The following MIPOL1 variants were observed in gnomAD, a reference collection of about 807,000 sequenced individuals.
MIPOL1 encodes the protein mirror-image polydactyly gene 1 protein.
A neutral mutation model predicts 60.9 loss-of-function variants in MIPOL1; 57 were observed. The ratio of observed to expected loss-of-function variants is 0.94; its 90% CI spans 0.76 to 1.17. The LOEUF (loss-of-function observed/expected upper bound fraction) is 1.17. MIPOL1 is among the 50% of genes most tolerant of loss of function. MIPOL1 has a pLI of 0.00. For synonymous variants in MIPOL1, 179 were observed against 168.8 expected (o/e 1.06, Z -0.47); for missense variants, 551 against 511.6 (o/e 1.08, Z -0.74).
intron 11 of MIPOL1, among the ~76,000 whole-genome samples, chr14:37,460,881 A>G (rs919257437): frequency 6.6e-6 from 1 of 152,236 alleles, no homozygotes; most frequent in Non-Finnish European, 1.5e-5. Context: ...AAAACATGCC[A>G]TGTTCATGGA....
At chr14:37,329,254 C>A (rs756849489) in intron 9 of MIPOL1, among the ~76,000 whole-genome samples, 1 of 151,850 alleles carries the variant, frequency 6.6e-6, no homozygotes, top group South Asian at 2.1e-4. Flanking sequence ...AAAAAGAATG[C>A]GGGTAAATGA....
chr14:37,221,649 T>C (rs1012818916), intron 1 of MIPOL1, among the ~76,000 whole-genome samples: 1 of 152,112 alleles, frequency 6.6e-6, no homozygotes, highest in African/African-American at 2.4e-5. Context: ...GGTGAAGTGC[T>C]ATACACTTTA....
intron 11 of MIPOL1, among the ~76,000 whole-genome samples, chr14:37,494,846 T>C (rs576911925): frequency 2.0e-5 from 3 of 152,312 alleles, no homozygotes; most frequent in African/African-American, 4.8e-5. Flanking sequence ...AAAAAGATCA[T>C]GTCCATTGCT....
At chr14:37,438,287 C>T (rs1307151421) in intron 11 of MIPOL1, among the ~76,000 whole-genome samples, 1 of 152,138 alleles carries the variant, frequency 6.6e-6, no homozygotes, top group Non-Finnish European at 1.5e-5. Flanking sequence ...AAACTGTTAC[C>T]CTAGAAAATA....
chr14:37,383,612 A>C (rs2092986652), intron 10 of MIPOL1, among the ~76,000 whole-genome samples: 1 of 151,778 alleles, frequency 6.6e-6, no homozygotes, highest in African/African-American at 2.4e-5. Context: ...TTAGTCATTT[A>C]CTGGTTTTTA....
chr14:37,334,332 C>G (rs2089952742), intron 9 of MIPOL1, among the ~76,000 whole-genome samples: 1 of 151,880 alleles, frequency 6.6e-6, no homozygotes, highest in East Asian at 1.9e-4. Context: ...CTCGACTGTT[C>G]AGACAATCTT....
intron 12 of MIPOL1, among the ~76,000 whole-genome samples, chr14:37,524,638 G>A (rs2095435904): frequency 7.4e-6 from 1 of 135,232 alleles, no homozygotes; most frequent in South Asian, 2.3e-4. Flanking sequence ...CGCAATCTCA[G>A]CTCACTGCAA....
rs1036058331 is a variant in MIPOL1, at chr14:37,442,655, AAAAT to A, written c.1031+19722_1031+19725del. ...ATCTAAAATAAAAGCTGAAATTATA[AAAAT>A]AAATAAATAAATAAAAAATTTAAAA... is the stretch of plus-strand genomic sequence containing the variant. On this transcript the variant is annotated intron_variant, in intron 11 of 12. Coordinates refer to ENST00000684589, the MANE Select transcript of MIPOL1 (RefSeq NM_001388067.1). 2.2e-4 allele frequency among the ~76,000 whole-genome samples: 34 copies of A among 151,646 alleles called. 2 individuals carry two copies. The highest frequency in any genetic ancestry group is 1.7e-3 in the South Asian group (8 of 4,824).
chr14:37,337,069 A>ACTAATGGGTCTTTTTTTTCCC (rs1426261982), intron 9 of MIPOL1, among the ~76,000 whole-genome samples: 2 of 151,962 alleles, frequency 1.3e-5, no homozygotes, highest in Admixed American at 6.6e-5. Flanking sequence ...TAAAAAGAGT[A>ACTAATGGGTCTTTTTTTTCCC]CTAATGGGTC....
intron 12 of MIPOL1, among the ~76,000 whole-genome samples, chr14:37,520,969 C>T (rs2095409455): frequency 9.2e-6 from 1 of 109,252 alleles, no homozygotes; most frequent in East Asian, 3.0e-4. Context: ...CGGAGTGTTG[C>T]TCTGTCACCC....
chr14:37,510,606 T>A (rs1161826163), intron 12 of MIPOL1, among the ~76,000 whole-genome samples: 2 of 152,188 alleles, frequency 1.3e-5, no homozygotes, highest in African/African-American at 4.8e-5. Context: ...AGACATTGAC[T>A]GTGTTCTATT....
chr14:37,262,520 C>T (rs1666864013), intron 3 of MIPOL1, among the ~76,000 whole-genome samples: 1 of 152,040 alleles, frequency 6.6e-6, no homozygotes, highest in Admixed American at 6.6e-5. Context: ...TTTATAAAAT[C>T]AGATGCTAAG....
intron 1 of MIPOL1, among the ~76,000 whole-genome samples, chr14:37,208,660 C>G (rs1966486251): frequency 6.6e-6 from 1 of 152,184 alleles, no homozygotes. Context: ...GTGGCACAGT[C>G]TTGGCTCACT....
At chr14:37,422,993 T>C in intron 11 of MIPOL1, 44 bp downstream of exon 11, 2 of 1,238,048 alleles carry the variant, frequency 1.6e-6, no homozygotes, top group African/African-American at 1.5e-5. Flanking sequence ...ATTGTTAGTT[T>C]GGGAAATGTT....
intron 10 of MIPOL1, among the ~76,000 whole-genome samples, chr14:37,397,948 T>TGCGAAAGAAAAGG (rs2093408162): frequency 6.6e-6 from 1 of 152,216 alleles, no homozygotes. Context: ...CTGTGGAGTC[T>TGCGAAAGAAAAGG]GCACATTGAA....
chr14:37,212,588 C>T (rs73252024), intron 1 of MIPOL1, among the ~76,000 whole-genome samples: 11,070 of 152,138 alleles, frequency 0.073, 1,342 homozygotes, highest in African/African-American at 0.25. Context: ...ATTTTTTACT[C>T]TACTCCCTGA....
intron 12 of MIPOL1, among the ~76,000 whole-genome samples, chr14:37,532,309 C>G (rs532888386): frequency 1.3e-5 from 2 of 152,250 alleles, no homozygotes; most frequent in African/African-American, 4.8e-5. Flanking sequence ...AGTGTCCTGT[C>G]AGTTTGAAAG....
chr14:37,515,292 G>GAAA (rs368304881), intron 12 of MIPOL1, among the ~76,000 whole-genome samples: 1 of 127,626 alleles, frequency 7.8e-6, no homozygotes. Flanking sequence ...TAAATATAAT[G>GAAA]AAAAAAAAAA....
intron 3 of MIPOL1, among the ~76,000 whole-genome samples, chr14:37,257,175 A>G (rs1454808912): frequency 2.7e-5 from 4 of 150,884 alleles, no homozygotes; most frequent in African/African-American, 9.7e-5. Context: ...TATCATTTAC[A>G]TAGAAAGTTA....
Sources: allele counts gnomAD v4.1 joint callset (sites outside exome capture counted in the v4.1 genomes callset), GRCh38; gene constraint gnomAD v4.1.1; transcripts MANE v1.5; gene names NCBI Gene and HGNC (gene_info 2026-07-23, HGNC 2026-07-21).